Variants in PCDH15 observed in about 807,000 individuals in gnomAD.
The protein encoded by PCDH15 is protocadherin related 15.
Under a neutral mutation model 178.5 loss-of-function variants are expected in PCDH15, and 129 were observed. The observed-to-expected ratio is 0.72, with a 90% CI of 0.63 to 0.84. PCDH15 has a LOEUF of 0.84. PCDH15 is among the 40% of genes least tolerant of loss of function. The pLI, the probability that PCDH15 is intolerant of heterozygous loss-of-function variation, is 0.00. For missense variants in PCDH15, 2,230 were observed against 2,099.9 expected, an observed-to-expected ratio of 1.06 and a Z score of -1.21; for synonymous variants, 800 against 732.0, an observed-to-expected ratio of 1.09 and a Z score of -1.50.
At chr10:55,068,852 C>G (rs1018272261) in intron 2 of PCDH15, among the ~76,000 whole-genome samples, 5 of 151,566 alleles carry the variant, frequency 3.3e-5, no homozygotes, top group Admixed American at 1.3e-4. Context: ...AGTAAGTTCT[C>G]TTTTTTGTAG....
intron 2 of PCDH15, among the ~76,000 whole-genome samples, chr10:54,548,105 A>AAAAAAAACC (rs1007093227): frequency 6.8e-6 from 1 of 147,584 alleles, no homozygotes; most frequent in Non-Finnish European, 1.5e-5. Flanking sequence ...TGTCTCAAAA[A>AAAAAAAACC]AAAAAAACCA....
intron 16 of PCDH15, 48 bp downstream of exon 16, chr10:54,089,936 G>T (rs2094572127): frequency 1.4e-6 from 2 of 1,398,016 alleles, no homozygotes; most frequent in African/African-American, 1.4e-5. Context: ...CTTACTAACA[G>T]TACGTTGCTG....
intron 2 of PCDH15, among the ~76,000 whole-genome samples, chr10:55,018,754 A>G (rs1353691051): frequency 6.6e-6 from 1 of 152,106 alleles, no homozygotes; most frequent in Non-Finnish European, 1.5e-5. Flanking sequence ...GAATAATGTG[A>G]TAAATATCTT....
intron 2 of PCDH15, among the ~76,000 whole-genome samples, chr10:55,009,829 G>A (rs530912046): frequency 1.8e-4 from 27 of 152,188 alleles, no homozygotes; most frequent in South Asian, 4.1e-4. Context: ...CTTCTAATGG[G>A]TAAATCAATA....
chr10:53,985,829 A>G (rs1334950088), intron 21 of PCDH15, among the ~76,000 whole-genome samples: 1 of 152,172 alleles, frequency 6.6e-6, no homozygotes, highest in Non-Finnish European at 1.5e-5. Flanking sequence ...GCAGATCACA[A>G]AATATAAATA....
intron 1 of PCDH15, among the ~76,000 whole-genome samples, chr10:55,229,999 A>T (rs577767129): frequency 2.6e-5 from 4 of 152,176 alleles, no homozygotes; most frequent in African/African-American, 9.6e-5. Flanking sequence ...GGGCTATTTT[A>T]TATAGTGTTT....
chr10:54,899,276 AATTTTT>A (rs1203729012), intron 2 of PCDH15, among the ~76,000 whole-genome samples: 5 of 152,092 alleles, frequency 3.3e-5, no homozygotes, highest in Non-Finnish European at 5.9e-5. Flanking sequence ...TTAGTTCTTT[AATTTTT>A]ATCTTAATAT....
chr10:53,903,578 T>A (rs1374877868), intron 25 of PCDH15, among the ~76,000 whole-genome samples: 1 of 152,174 alleles, frequency 6.6e-6, no homozygotes, highest in Non-Finnish European at 1.5e-5. Context: ...GTTATTTCTT[T>A]TAATTACAAT....
At chr10:54,795,972 C>T (rs1199225876) in intron 1 of PCDH15, among the ~76,000 whole-genome samples, 6 of 151,764 alleles carry the variant, frequency 4.0e-5, no homozygotes, top group Non-Finnish European at 8.8e-5. Context: ...GAATTACATC[C>T]TTTTATCACC....
At chr10:54,420,680 G>A (rs940686799) in intron 3 of PCDH15, among the ~76,000 whole-genome samples, 17 of 152,006 alleles carry the variant, frequency 1.1e-4, no homozygotes, top group African/African-American at 4.1e-4. Context: ...AAGCAAAGGG[G>A]AGATAGTGGG....
At chr10:54,591,917 C>T (rs1180099942) in intron 2 of PCDH15, among the ~76,000 whole-genome samples, 2 of 151,988 alleles carry the variant, frequency 1.3e-5, no homozygotes, top group Admixed American at 6.6e-5. Flanking sequence ...TCAACATGAC[C>T]CAATCTTGTC....
At chr10:54,088,647 G>A (rs11597325) in intron 16 of PCDH15, among the ~76,000 whole-genome samples, 30,446 of 151,986 alleles carry the variant, frequency 0.2, 3,318 homozygotes, top group Non-Finnish European at 0.25. Context: ...ATTTACTTCT[G>A]TATTTTCTTC....
chr10:54,979,592 C>A (rs1839167821), intron 2 of PCDH15, among the ~76,000 whole-genome samples: 1 of 145,168 alleles, frequency 6.9e-6, no homozygotes, highest in Non-Finnish European at 1.5e-5. Flanking sequence ...TCGTTTGAAC[C>A]CAAGAGGCAG....
At chr10:55,480,467 T>C (rs1840156228) in intron 2 of PCDH15, among the ~76,000 whole-genome samples, 1 of 151,684 alleles carries the variant, frequency 6.6e-6, no homozygotes, top group South Asian at 2.1e-4. Context: ...GTGGTGAGTC[T>C]ATCATATATA....
chr10:54,309,472 T>G (rs1036446557), intron 8 of PCDH15, among the ~76,000 whole-genome samples: 1 of 151,986 alleles, frequency 6.6e-6, no homozygotes, highest in Non-Finnish European at 1.5e-5. Flanking sequence ...TTTTGAAAAT[T>G]TGATGAGTTA....
intron 2 of PCDH15, among the ~76,000 whole-genome samples, chr10:55,131,359 C>A (rs1204572466): frequency 6.6e-6 from 1 of 152,130 alleles, no homozygotes; most frequent in Non-Finnish European, 1.5e-5. Context: ...ACTGCAGAGC[C>A]CCAAAGAGGG....
intron 1 of PCDH15, among the ~76,000 whole-genome samples, chr10:54,678,567 CA>C (rs773857429): frequency 6.6e-6 from 1 of 151,796 alleles, no homozygotes; most frequent in Non-Finnish European, 1.5e-5. Flanking sequence ...ATTTTAAAAA[CA>C]AAAAAAGATA....
At chr10:54,550,488 C>CTG (rs71010384) in intron 2 of PCDH15, among the ~76,000 whole-genome samples, 13,306 of 150,808 alleles carry the variant, frequency 0.088, 581 homozygotes, top group Middle Eastern at 0.13. Flanking sequence ...GTGTATGTGT[C>CTG]TGTGTGTGTG....
intron 8 of PCDH15, among the ~76,000 whole-genome samples, chr10:54,292,133 T>C (rs1022455148): frequency 5.9e-5 from 9 of 152,162 alleles, no homozygotes; most frequent in African/African-American, 9.7e-5. Flanking sequence ...ACAATCAAGC[T>C]GGCTTCATTC....
Sources: gnomAD v4.1 joint callset for allele counts (sites outside exome capture counted in the v4.1 genomes callset) on GRCh38, gnomAD v4.1.1 for gene constraint, MANE v1.5 for transcripts, NCBI Gene and HGNC (gene_info 2026-07-23, HGNC 2026-07-21) for gene names.